The following ZNF420 variants were observed in gnomAD, a reference collection of about 807,000 sequenced individuals.
ZNF420 encodes the protein zinc finger protein 420, also known as ATM and p53-associated KZNF protein.
Under a neutral mutation model 44.7 loss-of-function variants are expected in ZNF420, and 31 were observed. The ratio of observed to expected loss-of-function variants is 0.69; its 90% CI spans 0.52 to 0.94. The LOEUF (loss-of-function observed/expected upper bound fraction) is 0.94. Ranked by LOEUF, ZNF420 falls within the 40% of genes least tolerant of loss-of-function variation. ZNF420 has a pLI of 0.00. For synonymous variants in ZNF420, 245 were observed against 267.4 expected, an observed-to-expected ratio of 0.92 and a Z score of 0.82; for missense variants, 681 against 827.9, an observed-to-expected ratio of 0.82 and a Z score of 2.18.
At chr19:37,048,592 T>C (rs1241802773) in intron 1 of ZNF420, among the ~76,000 whole-genome samples, 1 of 152,206 alleles carries the variant, frequency 6.6e-6, no homozygotes, top group Non-Finnish European at 1.5e-5. Flanking sequence ...TAGTGTGAAA[T>C]TTTGCATGGC....
chr19:37,044,370 G>A (rs372317914), intron 1 of ZNF420, among the ~76,000 whole-genome samples: 87 of 152,124 alleles, frequency 5.7e-4, no homozygotes, highest in South Asian at 4.8e-3. Context: ...AAACAAAACC[G>A]AGGATCGGTG....
At chr19:37,124,727 G>A (rs10426093) in intron 4 of ZNF420, among the ~76,000 whole-genome samples, 24,557 of 151,912 alleles carry the variant, frequency 0.16, 2,098 homozygotes, top group African/African-American at 0.23. Context: ...CTTGCTAGTG[G>A]TGAGATCTTG....
chr19:37,128,918 T>TATC lies in ZNF420; in HGVS notation c.1929_1931dup (p.Tyr643_Gln644insHis), dbSNP rs1568484894. ...GAGAATTCATACTGGTGAGAAACCA[T>TATC]ATCAATGTAAGGAATGTGGGAAGGC... On this transcript the variant is annotated inframe_insertion, in exon 5 of 5. Coordinates refer to ENST00000337995, the MANE Select transcript of ZNF420 (RefSeq NM_144689.5). 3 of 1,614,098 alleles carry TATC rather than the reference T, an allele frequency of 1.9e-6. No homozygotes were observed. Among genetic ancestry groups the TATC allele is most frequent in the Admixed American group, 1.7e-5 (1 of 60,024 alleles).
intron 1 of ZNF420, among the ~76,000 whole-genome samples, chr19:37,025,770 C>CTT (rs67671586): frequency 1.6e-4 from 21 of 129,464 alleles, no homozygotes; most frequent in South Asian, 7.6e-4. Context: ...TTAAACCTGT[C>CTT]TTTTTTTTTT....
chr19:37,077,710 A>C (rs2146465538), upstream of ZNF420, among the ~76,000 whole-genome samples: 1 of 152,302 alleles, frequency 6.6e-6, no homozygotes, highest in African/African-American at 2.4e-5. Context: ...ATACAAGCAC[A>C]AAGAAAGCAC....
chr19:37,052,549 C>A (rs975799454), intron 1 of ZNF420, among the ~76,000 whole-genome samples: 3 of 152,176 alleles, frequency 2.0e-5, no homozygotes, highest in African/African-American at 7.2e-5. Flanking sequence ...TCTTTTAGGG[C>A]AGGCCTGCTG....
intron 4 of ZNF420, among the ~76,000 whole-genome samples, chr19:37,116,368 CAAA>C (rs57611154): frequency 2.6e-5 from 2 of 75,912 alleles, no homozygotes; most frequent in Admixed American, 1.4e-4. Context: ...GACTCCACCT[CAAA>C]AAAAAAAAAA....
At chr19:37,038,828 A>G (rs189298686) in intron 1 of ZNF420, among the ~76,000 whole-genome samples, 71 of 152,200 alleles carry the variant, frequency 4.7e-4, no homozygotes, top group Non-Finnish European at 8.7e-4. Context: ...TCTCTACTAA[A>G]AATACAACAT....
chr19:37,075,170 AC>A (rs1968124594), upstream of ZNF420: 2 of 152,224 alleles, frequency 1.3e-5, no homozygotes. Flanking sequence ...TGAAGAGATA[AC>A]TAATCCTTAA....
chr19:37,044,236 G>T (rs894025307), intron 1 of ZNF420, among the ~76,000 whole-genome samples: 2 of 152,218 alleles, frequency 1.3e-5, no homozygotes, highest in Non-Finnish European at 2.9e-5. Flanking sequence ...CCAAGGATGG[G>T]CTGAGCACAG....
intron 1 of ZNF420, among the ~76,000 whole-genome samples, chr19:37,057,534 G>A (rs1485110666): frequency 2.6e-5 from 4 of 152,162 alleles, no homozygotes; most frequent in Admixed American, 2.0e-4. Context: ...CAGTGTGGGT[G>A]TGTGTGTTGG....
At chr19:37,051,777 G>T (rs1967643855) in intron 1 of ZNF420, among the ~76,000 whole-genome samples, 1 of 152,070 alleles carries the variant, frequency 6.6e-6, no homozygotes, top group African/African-American at 2.4e-5. Flanking sequence ...GAATGTGTTT[G>T]CTCTTGCTTC....
chr19:37,064,300 TTA>T (rs1419526224), intron 1 of ZNF420, among the ~76,000 whole-genome samples: 5 of 152,206 alleles, frequency 3.3e-5, no homozygotes, highest in African/African-American at 1.2e-4. Context: ...ATTTATTAAT[TTA>T]TGTCAGTATA....
At chr19:37,083,050 AGG>A (rs1022713232) in intron 2 of ZNF420, among the ~76,000 whole-genome samples, 4 of 38,804 alleles carry the variant, frequency 1.0e-4, no homozygotes, top group African/African-American at 4.0e-4. Context: ...TAGTAGAGAC[AGG>A]GTTTCACCAT....
intron 1 of ZNF420, among the ~76,000 whole-genome samples, chr19:37,042,915 T>C (rs1967481975): frequency 6.6e-6 from 1 of 152,182 alleles, no homozygotes; most frequent in African/African-American, 2.4e-5. Context: ...GGATTATTCA[T>C]TGACATAATT....
chr19:37,089,031 C>A lies in ZNF420; in HGVS notation c.-80-8C>A. ...CCTGGTCTCATGGTTCTGCTTTCTC[C>A]TCCGTAGCTCTGCATTCTCCAGACT... On this transcript the variant is annotated splice_region_variant and splice_polypyrimidine_tract_variant and intron_variant, in intron 2 of 4. Transcript: ENST00000337995. 2 of 1,188,508 alleles carry A rather than the reference C, an allele frequency of 1.7e-6. No homozygotes were observed. The highest frequency in any genetic ancestry group is 1.2e-5 in the South Asian group (1 of 82,370). 73.6% of individuals were successfully genotyped at this position (1,188,508 alleles called of 1,614,324 possible).
At chr19:37,078,120 CCTCT>C (rs928035069), upstream of ZNF420, 3 of 152,610 alleles carry the variant, frequency 2.0e-5, no homozygotes, top group African/African-American at 4.8e-5. Flanking sequence ...CGGGTCCCAC[CCTCT>C]CTCCTGCCAG....
intron 1 of ZNF420, among the ~76,000 whole-genome samples, chr19:37,080,020 G>A (rs1051832694): frequency 6.6e-6 from 1 of 152,020 alleles, no homozygotes; most frequent in Admixed American, 6.6e-5. Context: ...ATAGGCCACT[G>A]GAAATATAAT....
chr19:37,043,599 C>A (rs1290135465), intron 1 of ZNF420, among the ~76,000 whole-genome samples: 1 of 152,100 alleles, frequency 6.6e-6, no homozygotes, highest in Non-Finnish European at 1.5e-5. Context: ...CTCAGCCTTC[C>A]AAGTAGCTGG....
Sources: gnomAD v4.1 joint callset for allele counts (sites outside exome capture counted in the v4.1 genomes callset) on GRCh38, gnomAD v4.1.1 for gene constraint, MANE v1.5 for transcripts, NCBI Gene and HGNC (gene_info 2026-07-23, HGNC 2026-07-21) for gene names.